Variants in SHISA6 observed in about 807,000 individuals in gnomAD.
SHISA6 encodes protein shisa-6.
SHISA6 carries 22 observed loss-of-function variants against 47.9 expected under a neutral mutation model. That is an observed-to-expected ratio of 0.46 (90% CI 0.33 to 0.66). The LOEUF is 0.66. Among genes scored for constraint, SHISA6 ranks in the 30% least tolerant of loss-of-function variants. The pLI is 0.02. For missense variants in SHISA6, 680 were observed against 764.6 expected, an observed-to-expected ratio of 0.89 and a Z score of 1.30; for synonymous variants, 388 against 337.8, an observed-to-expected ratio of 1.15 and a Z score of -1.63.
At chr17:11,335,651 C>A (rs1008969231) in intron 2 of SHISA6, among the ~76,000 whole-genome samples, 4 of 152,098 alleles carry the variant, frequency 2.6e-5, no homozygotes, top group Non-Finnish European at 5.9e-5. Context: ...TTTGAATGAA[C>A]TTCCCTCCCA....
intron 3 of SHISA6, among the ~76,000 whole-genome samples, chr17:11,502,326 G>A (rs2071460730): frequency 4.8e-5 from 7 of 145,014 alleles, no homozygotes; most frequent in Admixed American, 1.4e-4. Context: ...GGAGAATGGC[G>A]TGAACCCGGG....
At chr17:11,279,489 A>G (rs1909046133) in intron 2 of SHISA6, among the ~76,000 whole-genome samples, 1 of 152,070 alleles carries the variant, frequency 6.6e-6, no homozygotes, top group Non-Finnish European at 1.5e-5. Context: ...CATTTCCTCC[A>G]TAGTTTTCAG....
chr17:11,413,697 G>A (rs1287587154), intron 3 of SHISA6, among the ~76,000 whole-genome samples: 1 of 152,134 alleles, frequency 6.6e-6, no homozygotes, highest in South Asian at 2.1e-4. Flanking sequence ...GGCTTGTTCT[G>A]GCCAAGCCCA....
intron 3 of SHISA6, among the ~76,000 whole-genome samples, chr17:11,521,345 T>C (rs1218039871): frequency 6.6e-6 from 1 of 152,206 alleles, no homozygotes; most frequent in Non-Finnish European, 1.5e-5. Flanking sequence ...AATTCATCCT[T>C]ATTCTAAGTT....
intron 3 of SHISA6, among the ~76,000 whole-genome samples, chr17:11,514,703 A>C (rs1215241729): frequency 6.6e-6 from 1 of 152,184 alleles, no homozygotes; most frequent in African/African-American, 2.4e-5. Flanking sequence ...CACCCAGAGG[A>C]ACTCTTGGCC....
intron 3 of SHISA6, among the ~76,000 whole-genome samples, chr17:11,500,130 C>T (rs1567622473): frequency 6.6e-6 from 1 of 152,184 alleles, no homozygotes; most frequent in Non-Finnish European, 1.5e-5. Context: ...TTCAGACGGG[C>T]ACACCCTGGC....
rs544503192 is a variant in SHISA6 at position 11,544,893 on chromosome 17, G to A, written c.896-7003G>A. Among the ~76,000 whole-genome samples the A allele has an allele frequency of 7.9e-4, 119 of 150,122 alleles. 1 individual carries two copies. The highest frequency in any genetic ancestry group is 9.2e-4 in the Non-Finnish European group (62 of 67,652). On this transcript the variant is annotated intron_variant, in intron 3 of 5. Transcript: ENST00000441885. ...GGAGAATGGCATGAACCTAGGAGGCGGAGCTTGCAGTGAGCCAAGATCACG... is the reference window on the plus strand; with the variant it reads ...GGAGAATGGCATGAACCTAGGAGGCAGAGCTTGCAGTGAGCCAAGATCACG...
At chr17:11,319,945 G>C (rs557441726) in intron 2 of SHISA6, among the ~76,000 whole-genome samples, 31 of 152,196 alleles carry the variant, frequency 2.0e-4, no homozygotes, top group Non-Finnish European at 3.7e-4. Flanking sequence ...CAAGAATTTG[G>C]AAAAGTTCTA....
At chr17:11,263,634 C>T (rs1464583221) in intron 2 of SHISA6, 108 bp downstream of exon 2, 4 of 1,363,898 alleles carry the variant, frequency 2.9e-6, no homozygotes, top group Non-Finnish European at 3.0e-6. Context: ...TGATGAGGGA[C>T]TCTCATGGAC....
chr17:11,316,376 A>T (rs1597454542), intron 2 of SHISA6, among the ~76,000 whole-genome samples: 2 of 110,250 alleles, frequency 1.8e-5, no homozygotes, highest in Non-Finnish European at 3.6e-5. Context: ...TTGCATTTCC[A>T]TTAGTTCCAT....
At chr17:11,335,841 A>G (rs547764291) in intron 2 of SHISA6, among the ~76,000 whole-genome samples, 2 of 152,264 alleles carry the variant, frequency 1.3e-5, no homozygotes, top group Admixed American at 1.3e-4. Flanking sequence ...GGTGGTTGCA[A>G]TAAAGTTTAT....
intron 3 of SHISA6, among the ~76,000 whole-genome samples, chr17:11,406,186 G>A (rs1913952719): frequency 6.6e-6 from 1 of 152,210 alleles, no homozygotes; most frequent in South Asian, 2.1e-4. Flanking sequence ...CACATAGGCA[G>A]TGGTACGTGG....
At chr17:11,264,864 C>T (rs1908367733) in intron 2 of SHISA6, among the ~76,000 whole-genome samples, 1 of 152,180 alleles carries the variant, frequency 6.6e-6, no homozygotes, top group Non-Finnish European at 1.5e-5. Flanking sequence ...GCAGATGACA[C>T]TCCCTCCTGA....
intron 3 of SHISA6, among the ~76,000 whole-genome samples, chr17:11,546,924 A>T (rs2071888303): frequency 6.6e-6 from 1 of 151,918 alleles, no homozygotes; most frequent in Admixed American, 6.6e-5. Flanking sequence ...GCAAGACTCC[A>T]TCTCAAAAAA....
intron 3 of SHISA6, among the ~76,000 whole-genome samples, chr17:11,417,619 C>T (rs1290492595): frequency 6.6e-6 from 1 of 152,204 alleles, no homozygotes; most frequent in Non-Finnish European, 1.5e-5. Flanking sequence ...GGCTTCTTCT[C>T]CTGAAAACAG....
At chr17:11,342,415 C>T (rs16944608) in intron 2 of SHISA6, among the ~76,000 whole-genome samples, 12,863 of 151,646 alleles carry the variant, frequency 0.085, 844 homozygotes, top group East Asian at 0.23. Context: ...CAAGCTGGGA[C>T]GGTGGAGATA....
chr17:11,367,656 C>A (rs1445933949), intron 2 of SHISA6, among the ~76,000 whole-genome samples: 1 of 152,100 alleles, frequency 6.6e-6, no homozygotes, highest in Non-Finnish European at 1.5e-5. Flanking sequence ...TCTAAAGTCC[C>A]ACATCTACTA....
intron 3 of SHISA6, among the ~76,000 whole-genome samples, chr17:11,508,101 GGCA>G (rs2071515365): frequency 6.6e-6 from 1 of 152,348 alleles, no homozygotes; most frequent in East Asian, 1.9e-4. Flanking sequence ...AGGTTTTGGA[GGCA>G]GCAAGCTTGA....
rs1567639493 is a variant in SHISA6 at position 11,558,116 on chromosome 17, T to C, written c.1468T>C (p.Tyr490His). ...VFVSTPVLDR[Y>H]RMSKMHSHPS... is the part of the protein sequence containing the mutation. ...TGTGTCCACACCCGTGCTGGACCGC[T>C]ACCGCATGAGCAAGATGCACTCTCA... is the stretch of plus-strand genomic sequence containing the variant. Residue 490 changes from tyrosine (Y) to histidine (H), a missense_variant, in exon 6 of 6, where the codon TAC becomes CAC. Physicochemically the swap from Tyr to His is moderately conservative, Grantham distance 83 (BLOSUM62 2). Transcript: ENST00000441885. 6.4e-7 allele frequency: 1 copy of C among 1,551,450 alleles called. No individual in the cohort carries two copies. Among genetic ancestry groups the C allele is most frequent in the Non-Finnish European group, 8.7e-7 (1 of 1,146,994 alleles).
Sources: gnomAD v4.1 joint callset for allele counts (sites outside exome capture counted in the v4.1 genomes callset) on GRCh38, gnomAD v4.1.1 for gene constraint, MANE v1.5 for transcripts, NCBI Gene and HGNC (gene_info 2026-07-23, HGNC 2026-07-21) for gene names.